Variants in PCDH11X observed in about 807,000 individuals in gnomAD.
PCDH11X encodes protocadherin-11 X-linked.
A neutral mutation model predicts 53.3 loss-of-function variants in PCDH11X; 18 were observed. The observed-to-expected ratio is 0.34, with a 90% CI of 0.23 to 0.50. The LOEUF is 0.50. Among genes scored for constraint, PCDH11X ranks in the 20% least tolerant of loss-of-function variants. PCDH11X has a pLI of 0.98. For missense variants in PCDH11X, 570 were observed against 1,032.4 expected (o/e 0.55, Z 6.14); for synonymous variants, 279 against 393.3 (o/e 0.71, Z 3.44).
chrX:92,290,493 C>A (rs1162878245), intron 8 of PCDH11X, among the ~76,000 whole-genome samples: 10 of 112,314 alleles, frequency 8.9e-5, no homozygotes, highest in African/African-American at 3.2e-4. Context: ...AAAGATATGT[C>A]TAGTGATATT....
intron 7 of PCDH11X, among the ~76,000 whole-genome samples, chrX:92,222,725 A>C (rs897705196): frequency 6.3e-5 from 7 of 111,722 alleles, no homozygotes; most frequent in African/African-American, 2.3e-4. Context: ...CCGTAGGTAT[A>C]CTAAGGCTGC....
intron 6 of PCDH11X, among the ~76,000 whole-genome samples, chrX:91,911,686 T>C (rs1246915246): frequency 9.0e-6 from 1 of 111,296 alleles, no homozygotes; most frequent in Non-Finnish European, 1.9e-5. Context: ...ATTGTTTTCA[T>C]TTTTAGCTCC....
chrX:92,446,419 A>G (rs1301210340), intron 9 of PCDH11X, among the ~76,000 whole-genome samples: 1 of 110,960 alleles, frequency 9.0e-6, no homozygotes, highest in East Asian at 2.8e-4. Flanking sequence ...GGGAGGAGGA[A>G]CCTGGTGGGA....
chrX:91,821,982 A>G, intron 4 of PCDH11X, among the ~76,000 whole-genome samples: 1 of 101,638 alleles, frequency 9.8e-6, no homozygotes, highest in East Asian at 2.9e-4. Flanking sequence ...ACATTTATTG[A>G]TTTGAGTATA....
intron 9 of PCDH11X, among the ~76,000 whole-genome samples, chrX:92,448,834 A>C (rs1336236369): frequency 9.0e-6 from 1 of 111,428 alleles, no homozygotes; most frequent in Non-Finnish European, 1.9e-5. Context: ...AACTTCTTAT[A>C]GCCGAAATTT....
chrX:92,153,500 C>T (rs923892375), intron 6 of PCDH11X, among the ~76,000 whole-genome samples: 1 of 111,692 alleles, frequency 9.0e-6, no homozygotes, highest in Non-Finnish European at 1.9e-5. Flanking sequence ...CAAGTTTAAG[C>T]ACAATTAGGT....
chrX:92,148,057 CCTTTCTTTCTTTCTTTCTTTCTTTCTTT>C (rs1190209890), intron 6 of PCDH11X, among the ~76,000 whole-genome samples: 325 of 16,884 alleles, frequency 0.019, 12 homozygotes, highest in Middle Eastern at 0.053. Context: ...TTCCTTCCTT[CCTTTCTTTCTTTCTTTCTTTCTTTCTTT>C]CTTTCTTTCT....
At chrX:92,438,541 G>A (rs2072441367) in intron 9 of PCDH11X, among the ~76,000 whole-genome samples, 2 of 110,647 alleles carry the variant, frequency 1.8e-5, no homozygotes, top group South Asian at 7.6e-4. Flanking sequence ...CTTGTTACTT[G>A]AAGCATGCCA....
intron 9 of PCDH11X, among the ~76,000 whole-genome samples, chrX:92,459,081 C>T (rs1020077749): frequency 6.1e-5 from 6 of 98,829 alleles, no homozygotes; most frequent in Non-Finnish European, 8.2e-5. Flanking sequence ...TTAACTGGGG[C>T]GAGATGATTT....
At chrX:92,272,967 T>G (rs1188087114) in intron 8 of PCDH11X, among the ~76,000 whole-genome samples, 1 of 112,818 alleles carries the variant, frequency 8.9e-6, no homozygotes, top group Non-Finnish European at 1.9e-5. Context: ...TCCATCTGGC[T>G]TACTCATTTA....
At chrX:91,865,917 G>A (rs1322178377) in intron 5 of PCDH11X, among the ~76,000 whole-genome samples, 1 of 110,333 alleles carries the variant, frequency 9.1e-6, no homozygotes. Context: ...CTCTGTTCCA[G>A]CACAGGTCCA....
chrX:91,879,286 G>C lies in PCDH11X; in HGVS notation c.3033+13G>C. On this transcript the variant is annotated intron_variant, in intron 6 of 10. Transcript: ENST00000682573. ...ACACACCAGACCGGTAGGTATCCAA[G>C]TTTCTAACACAACTTTCTAACTATT... 1 of 1,210,809 alleles carries C rather than the reference G, an allele frequency of 8.3e-7. No individual in the cohort carries two copies. Among genetic ancestry groups the C allele is most frequent in the Non-Finnish European group, 1.1e-6 (1 of 895,250 alleles).
chrX:92,487,110 T>C (rs1265212207), intron 10 of PCDH11X, among the ~76,000 whole-genome samples: 1 of 84,180 alleles, frequency 1.2e-5, no homozygotes, highest in Admixed American at 1.6e-4. Flanking sequence ...TACAATGCAA[T>C]GGCATGATCT....
At chrX:91,843,106 G>A (rs1374645495) in intron 5 of PCDH11X, among the ~76,000 whole-genome samples, 1 of 105,891 alleles carries the variant, frequency 9.4e-6, no homozygotes, top group Non-Finnish European at 1.9e-5. Flanking sequence ...CATATTTAAT[G>A]AGTGCTCAAT....
intron 4 of PCDH11X, among the ~76,000 whole-genome samples, chrX:91,811,629 T>C (rs111303595): frequency 0.06 from 6,652 of 110,600 alleles, 512 homozygotes; most frequent in African/African-American, 0.21. Flanking sequence ...TTACTGACGG[T>C]AAACAATGAA....
At chrX:91,900,739 T>C (rs1462198875) in intron 6 of PCDH11X, among the ~76,000 whole-genome samples, 2 of 109,287 alleles carry the variant, frequency 1.8e-5, no homozygotes, top group Non-Finnish European at 3.8e-5. Context: ...GGGGTGACTG[T>C]AAGACTCCTG....
At position 91,878,576 on chromosome X, in the gene PCDH11X, C is replaced by T. The variant is rs1484330770; in HGVS notation, c.2336C>T (p.Ala779Val). The T allele has an allele frequency of 3.3e-6, 4 of 1,211,559 alleles. No individual in the cohort carries two copies. Among genetic ancestry groups the T allele is most frequent in the Admixed American group, 4.3e-5 (2 of 45,994 alleles). Residue 779 changes from alanine (A) to valine (V), a missense_variant, in exon 6 of 11, where the codon GCT (alanine) becomes GTT (valine). Coordinates refer to ENST00000682573, the MANE Select transcript of PCDH11X (RefSeq NM_032968.5). ...NLFVNESVTN[A>V]TLINELVRKS... Reference sequence around the variant, plus strand: ...TTCGTGAATGAGTCGGTGACCAATGCTACACTGATTAATGAACTGGTGCGC... The same window carrying T: ...TTCGTGAATGAGTCGGTGACCAATGTTACACTGATTAATGAACTGGTGCGC...
chrX:92,276,893 C>T (rs1000230053), intron 8 of PCDH11X, among the ~76,000 whole-genome samples: 11 of 111,326 alleles, frequency 9.9e-5, no homozygotes, highest in Non-Finnish European at 2.1e-4. Context: ...AGAGCCTAAA[C>T]GCTATCTGAT....
At chrX:92,272,344 C>T (rs1032441071) in intron 8 of PCDH11X, among the ~76,000 whole-genome samples, 13 of 111,566 alleles carry the variant, frequency 1.2e-4, no homozygotes, top group African/African-American at 3.3e-4. Flanking sequence ...ATTTGTTCCT[C>T]GTTATACATT....
Sources: allele counts gnomAD v4.1 joint callset (sites outside exome capture counted in the v4.1 genomes callset), GRCh38; gene constraint gnomAD v4.1.1; transcripts MANE v1.5; gene names NCBI Gene and HGNC (gene_info 2026-07-23, HGNC 2026-07-21).